KCNK13: variants seen among roughly 807,000 people sequenced by gnomAD.
KCNK13 encodes potassium channel subfamily K member 13.
A neutral mutation model predicts 23.4 loss-of-function variants in KCNK13; 12 were observed. The ratio of observed to expected loss-of-function variants is 0.51; its 90% CI spans 0.33 to 0.83. KCNK13 has a LOEUF of 0.83. KCNK13 is among the 40% of genes least tolerant of loss of function. KCNK13 has a pLI of 0.02. For missense variants in KCNK13, 463 were observed against 556.3 expected (o/e 0.83, Z 1.69); for synonymous variants, 231 against 229.5 (o/e 1.01, Z -0.06).
chr14:90,080,405 G>A (rs1424271838), intron 1 of KCNK13, among the ~76,000 whole-genome samples: 3 of 152,056 alleles, frequency 2.0e-5, no homozygotes, highest in African/African-American at 4.8e-5. Context: ...GCAGTGAGCC[G>A]AGATCACTCT....
chr14:90,077,057 G>A (rs1437724680), intron 1 of KCNK13, among the ~76,000 whole-genome samples: 1 of 148,098 alleles, frequency 6.8e-6, no homozygotes, highest in Non-Finnish European at 1.5e-5. Flanking sequence ...CTGACCTCGT[G>A]ATCCGCCCGC....
At chr14:90,170,686 A>C (rs1032417931) in intron 1 of KCNK13, among the ~76,000 whole-genome samples, 2 of 152,178 alleles carry the variant, frequency 1.3e-5, no homozygotes, top group African/African-American at 4.8e-5. Flanking sequence ...ATAGACATTC[A>C]TGCCTTTGTC....
At chr14:90,106,802 G>A (rs1478669103) in intron 1 of KCNK13, among the ~76,000 whole-genome samples, 1 of 150,338 alleles carries the variant, frequency 6.7e-6, no homozygotes, top group Admixed American at 6.6e-5. Context: ...TGCATGGATT[G>A]TTTGAGGCCA....
chr14:90,134,405 C>G (rs1389257693), intron 1 of KCNK13, among the ~76,000 whole-genome samples: 1 of 152,128 alleles, frequency 6.6e-6, no homozygotes, highest in Admixed American at 6.5e-5. Context: ...GTCTTTCTTC[C>G]TGTTGTAGTT....
intron 1 of KCNK13, among the ~76,000 whole-genome samples, chr14:90,142,511 G>T (rs1217429596): frequency 2.0e-5 from 3 of 151,138 alleles, no homozygotes; most frequent in Non-Finnish European, 4.4e-5. Context: ...GTAGAGATGG[G>T]GTTTCATCGT....
intron 1 of KCNK13, among the ~76,000 whole-genome samples, chr14:90,092,733 G>A (rs1251852691): frequency 6.6e-6 from 1 of 151,966 alleles, no homozygotes; most frequent in African/African-American, 2.4e-5. Flanking sequence ...GGGCAACATA[G>A]CAAGATCCCA....
intron 1 of KCNK13, chr14:90,177,449 C>T (rs755199842): frequency 1.7e-4 from 26 of 152,114 alleles, no homozygotes; most frequent in African/African-American, 5.8e-4. Context: ...TATGTATGTC[C>T]GTGGCAGACA....
chr14:90,164,278 C>A (rs538946744), intron 1 of KCNK13, among the ~76,000 whole-genome samples: 12 of 152,322 alleles, frequency 7.9e-5, no homozygotes, highest in African/African-American at 2.6e-4. Flanking sequence ...AGGAAAGTTA[C>A]AACTTCTTTC....
intron 1 of KCNK13, among the ~76,000 whole-genome samples, chr14:90,070,967 T>C (rs1001903131): frequency 2.0e-5 from 3 of 152,212 alleles, no homozygotes; most frequent in African/African-American, 7.2e-5. Context: ...AATTATTTGT[T>C]TCCTGCTGGG....
intron 1 of KCNK13, among the ~76,000 whole-genome samples, chr14:90,115,497 C>CT (rs549368943): frequency 3.3e-5 from 5 of 152,210 alleles, no homozygotes; most frequent in Non-Finnish European, 4.4e-5. Flanking sequence ...TGAACATCTT[C>CT]TTGTGTTTTA....
intron 1 of KCNK13, among the ~76,000 whole-genome samples, chr14:90,065,404 C>A (rs1175407401): frequency 6.6e-6 from 1 of 152,150 alleles, no homozygotes; most frequent in Admixed American, 6.5e-5. Context: ...TTTGGGTTCC[C>A]TTAGAAGCAG....
At chr14:90,178,451 C>T (rs140163811) in intron 1 of KCNK13, among the ~76,000 whole-genome samples, 189 of 151,954 alleles carry the variant, frequency 1.2e-3, no homozygotes, top group Admixed American at 3.7e-3. Context: ...GCCACCACCC[C>T]GGCTAATTTT....
chr14:90,107,278 G>A (rs576399687), intron 1 of KCNK13, among the ~76,000 whole-genome samples: 94 of 152,268 alleles, frequency 6.2e-4, no homozygotes, highest in African/African-American at 2.2e-3. Context: ...AGGAGATTGA[G>A]ACCATCCTGG....
intron 1 of KCNK13, among the ~76,000 whole-genome samples, chr14:90,070,778 G>C (rs556488568): frequency 6.6e-6 from 1 of 152,310 alleles, no homozygotes; most frequent in East Asian, 1.9e-4. Flanking sequence ...ACAATGGCAG[G>C]TGCGTTTGGA....
chr14:90,151,726 C>T (rs1890135923), intron 1 of KCNK13, among the ~76,000 whole-genome samples: 1 of 152,118 alleles, frequency 6.6e-6, no homozygotes, highest in Non-Finnish European at 1.5e-5. Flanking sequence ...AGAAACTCTT[C>T]TGTGTTTTCT....
intron 1 of KCNK13, among the ~76,000 whole-genome samples, chr14:90,157,706 T>G (rs1890209963): frequency 8.9e-6 from 1 of 112,636 alleles, no homozygotes; most frequent in Non-Finnish European, 2.1e-5. Context: ...GCTTTCCTTT[T>G]TTTTTTTTTT....
chr14:90,182,536 A>G (rs965760934), intron 1 of KCNK13, among the ~76,000 whole-genome samples: 1 of 152,090 alleles, frequency 6.6e-6, no homozygotes, highest in African/African-American at 2.4e-5. Flanking sequence ...ATAAGGAAAA[A>G]CTGGGTTGGG....
At chr14:90,086,833 C>T (rs1034479157) in intron 1 of KCNK13, among the ~76,000 whole-genome samples, 1 of 152,062 alleles carries the variant, frequency 6.6e-6, no homozygotes, top group Non-Finnish European at 1.5e-5. Context: ...TTCAGAGCAT[C>T]TATAAATGTA....
intron 1 of KCNK13, among the ~76,000 whole-genome samples, chr14:90,152,422 C>A (rs1216980466): frequency 6.6e-6 from 1 of 152,160 alleles, no homozygotes; most frequent in Non-Finnish European, 1.5e-5. Context: ...GTAATCCCAG[C>A]TACTCAGAAG....
Sources: gnomAD v4.1 joint callset for allele counts (sites outside exome capture counted in the v4.1 genomes callset) on GRCh38, gnomAD v4.1.1 for gene constraint, MANE v1.5 for transcripts, NCBI Gene and HGNC (gene_info 2026-07-23, HGNC 2026-07-21) for gene names.